SLC2A9: variants seen among roughly 807,000 people sequenced by gnomAD.
The protein encoded by SLC2A9 is solute carrier family 2, facilitated glucose transporter member 9.
A neutral mutation model predicts 50.6 loss-of-function variants in SLC2A9; 39 were observed. The observed-to-expected ratio is 0.77, with a 90% CI of 0.60 to 1.01. The LOEUF (loss-of-function observed/expected upper bound fraction) is 1.01, where lower values mean the gene tolerates loss of function less well. Among genes scored for constraint, SLC2A9 ranks in the 50% least tolerant of loss-of-function variants. The pLI is 0.00. For synonymous variants in SLC2A9, 324 were observed against 276.9 expected, an observed-to-expected ratio of 1.17 and a Z score of -1.69; for missense variants, 686 against 677.6, an observed-to-expected ratio of 1.01 and a Z score of -0.14.
rs764863059 is a variant in SLC2A9, at chr4:9,950,892, CAAAAAAAAAAAAAAAA to C, written c.682-8863_682-8848del. Among the ~76,000 whole-genome samples, 6 of 11,546 alleles carry C rather than the reference CAAAAAAAAAAAAAAAA, an allele frequency of 5.2e-4. 2 individuals are homozygous for C. Among genetic ancestry groups the C allele is most frequent in the East Asian group, 0.013 (1 of 78 alleles). The allele number at this position is 11,546 out of a possible 152,430, so 7.6% of individuals were successfully genotyped here. ...TGGGCGACAGAGCGAGACTCCGTCT[CAAAAAAAAAAAAAAAA>C]AAAAAAAAAAAGAAAACAGTATGGA... On this transcript the variant is annotated intron_variant, in intron 5 of 11. Transcript: ENST00000264784.
intron 6 of SLC2A9, among the ~76,000 whole-genome samples, chr4:9,922,147 T>C (rs916706234): frequency 6.6e-6 from 1 of 152,224 alleles, no homozygotes; most frequent in African/African-American, 2.4e-5. Context: ...ATCCAGTCTA[T>C]CATTGATGGG....
At chr4:10,026,556 T>C (rs1446459548) in intron 1 of SLC2A9, among the ~76,000 whole-genome samples, 1 of 152,190 alleles carries the variant, frequency 6.6e-6, no homozygotes, top group African/African-American at 2.4e-5. Flanking sequence ...GAAAAACTTG[T>C]GCACGAATGT....
At chr4:9,819,889 A>C (rs1251694265) in intron 3 of SLC2A9, among the ~76,000 whole-genome samples, 1 of 152,114 alleles carries the variant, frequency 6.6e-6, no homozygotes, top group Non-Finnish European at 1.5e-5. Context: ...AGCCGAGATC[A>C]CACCACTGCA....
chr4:9,811,651 G>A (rs932522852), intron 3 of SLC2A9, among the ~76,000 whole-genome samples: 4 of 152,146 alleles, frequency 2.6e-5, no homozygotes, highest in Admixed American at 1.3e-4. Context: ...ACACCACAGG[G>A]ATCCACAGGA....
At chr4:9,896,150 G>C (rs1738522505) in intron 8 of SLC2A9, among the ~76,000 whole-genome samples, 1 of 152,188 alleles carries the variant, frequency 6.6e-6, no homozygotes, top group Admixed American at 6.5e-5. Context: ...GAGTTGGATG[G>C]GTAAAACCTT....
chr4:9,961,690 A>G (rs1398996512), intron 5 of SLC2A9, among the ~76,000 whole-genome samples: 1 of 152,190 alleles, frequency 6.6e-6, no homozygotes, highest in East Asian at 1.9e-4. Context: ...AAAAGCAAAA[A>G]TTGACAAATG....
At chr4:9,971,241 T>C (rs541773219) in intron 5 of SLC2A9, among the ~76,000 whole-genome samples, 1 of 152,344 alleles carries the variant, frequency 6.6e-6, no homozygotes, top group Admixed American at 6.5e-5. Context: ...ATTTAATTTA[T>C]TTAATTTATT....
chr4:9,906,226 C>T (rs546225617), intron 8 of SLC2A9, among the ~76,000 whole-genome samples: 3 of 152,160 alleles, frequency 2.0e-5, no homozygotes, highest in Non-Finnish European at 2.9e-5. Flanking sequence ...GGGGGTCACG[C>T]GGCTAATAAA....
chr4:9,929,868 G>A (rs1289020310), intron 6 of SLC2A9, among the ~76,000 whole-genome samples: 1 of 152,178 alleles, frequency 6.6e-6, no homozygotes, highest in Non-Finnish European at 1.5e-5. Context: ...AGACCAGGGT[G>A]TCCGCAGAGT....
At chr4:10,015,002 T>C (rs1032671944) in intron 2 of SLC2A9, among the ~76,000 whole-genome samples, 3 of 152,194 alleles carry the variant, frequency 2.0e-5, no homozygotes, top group Non-Finnish European at 2.9e-5. Context: ...GGTTTCTCAG[T>C]TAGATCAGGT....
chr4:9,850,312 C>A (rs1206921829), intron 10 of SLC2A9, among the ~76,000 whole-genome samples: 1 of 152,178 alleles, frequency 6.6e-6, no homozygotes, highest in African/African-American at 2.4e-5. Flanking sequence ...GGCAGGACTC[C>A]AGCCTGTGTG....
intron 7 of SLC2A9, among the ~76,000 whole-genome samples, chr4:9,919,038 T>C (rs1743419908): frequency 6.6e-6 from 1 of 152,166 alleles, no homozygotes; most frequent in Non-Finnish European, 1.5e-5. Flanking sequence ...GAGAATTGAA[T>C]TCTGTTTAGA....
Position 9,948,087 on chromosome 4 carries a change from C to T in SLC2A9, c.682-6042G>A, listed in dbSNP as rs547168195. ...TCCCACTCAGGCATGTATGTTCTTG[C>T]TGTAGGTGGCCACTTATTTCTTTCT... On this transcript the variant is annotated intron_variant, in intron 5 of 11. Coordinates refer to ENST00000264784, the MANE Select transcript of SLC2A9 (RefSeq NM_020041.3). Among the ~76,000 whole-genome samples, 11 of 152,270 alleles carry T rather than the reference C, an allele frequency of 7.2e-5. No individual in the cohort carries two copies. In the South Asian group the frequency reaches 2.1e-3, roughly 29 times the overall value.
At chr4:9,963,667 G>T (rs1398840376) in intron 5 of SLC2A9, among the ~76,000 whole-genome samples, 1 of 152,166 alleles carries the variant, frequency 6.6e-6, no homozygotes, top group African/African-American at 2.4e-5. Context: ...GGTTTTGCAG[G>T]ATGACAACAG....
At chr4:9,877,739 T>C (rs1341115520) in intron 10 of SLC2A9, among the ~76,000 whole-genome samples, 1 of 152,176 alleles carries the variant, frequency 6.6e-6, no homozygotes, top group Non-Finnish European at 1.5e-5. Flanking sequence ...AGGCCTGGCA[T>C]TGAGATAATG....
chr4:10,012,086 G>A (rs1761857933), intron 2 of SLC2A9, among the ~76,000 whole-genome samples: 1 of 152,210 alleles, frequency 6.6e-6, no homozygotes, highest in Admixed American at 6.5e-5. Flanking sequence ...CTACATAGCA[G>A]AGTTCAGTAG....
intron 11 of SLC2A9, among the ~76,000 whole-genome samples, chr4:9,833,420 T>C (rs1265179429): frequency 6.6e-6 from 1 of 152,202 alleles, no homozygotes; most frequent in African/African-American, 2.4e-5. Context: ...GTGGAGAAAC[T>C]GGGTTTGATG....
At chr4:10,012,491 T>G (rs778117638) in intron 2 of SLC2A9, among the ~76,000 whole-genome samples, 2 of 152,038 alleles carry the variant, frequency 1.3e-5, no homozygotes, top group East Asian at 1.9e-4. Context: ...CTTTCTAAAG[T>G]GAAGGGAAGG....
At chr4:9,902,912 T>G (rs1739914686) in intron 8 of SLC2A9, among the ~76,000 whole-genome samples, 1 of 152,142 alleles carries the variant, frequency 6.6e-6, no homozygotes, top group African/African-American at 2.4e-5. Context: ...TAGTGAACAT[T>G]TATTGAGTAT....
Sources: allele counts gnomAD v4.1 joint callset (sites outside exome capture counted in the v4.1 genomes callset), GRCh38; gene constraint gnomAD v4.1.1; transcripts MANE v1.5; gene names NCBI Gene and HGNC (gene_info 2026-07-23, HGNC 2026-07-21).